CSMD2: variants seen among roughly 807,000 people sequenced by gnomAD.
CSMD2 encodes CUB and Sushi multiple domains 2.
A neutral mutation model predicts 398.5 loss-of-function variants in CSMD2; 130 were observed. The ratio of observed to expected loss-of-function variants is 0.33; its 90% CI spans 0.28 to 0.38. CSMD2 has a LOEUF of 0.38. CSMD2 is among the 10% of genes least tolerant of loss of function. The pLI, the probability that CSMD2 is intolerant of heterozygous loss-of-function variation, is 1.00. For synonymous variants in CSMD2, 1,828 were observed against 1,908.5 expected (o/e 0.96, Z 1.10); for missense variants, 3,829 against 4,764.9 (o/e 0.80, Z 5.78).
chr1:33,567,628 T>A lies in CSMD2; in HGVS notation c.8345A>T (p.Asp2782Val), dbSNP rs991625372. 1.2e-6 allele frequency: 2 copies of A among 1,614,068 alleles called. No individual in the cohort carries two copies. Among genetic ancestry groups the A allele is most frequent in the African/African-American group, 2.7e-5 (2 of 74,920 alleles). The change falls in exon 53 of 71, where the codon GAT becomes GTT. Residue 2782 changes from aspartate to valine, a missense_variant. Physicochemically the swap from Asp to Val is radical, Grantham distance 152. Around this residue, in one of 5 missense-constraint regions of CSMD2, gnomAD observed 917 missense variants for 1,199.5 expected, o/e 0.76. Coordinates refer to ENST00000373381, the MANE Select transcript of CSMD2 (RefSeq NM_001281956.2). ...IGMSVRICQQDHHWSGKTPFC... is the reference protein window; with the variant it reads ...IGMSVRICQQVHHWSGKTPFC... ...AGGGGTCTTGCCCGACCAGTGATGATCCTGCTGGCAGATGCGCACAGACAT... is the reference window on the plus strand; with the variant it reads ...AGGGGTCTTGCCCGACCAGTGATGAACCTGCTGGCAGATGCGCACAGACAT...
At chr1:33,759,314 CT>C (rs1208743357) in intron 13 of CSMD2, among the ~76,000 whole-genome samples, 7 of 107,734 alleles carry the variant, frequency 6.5e-5, no homozygotes, top group East Asian at 5.1e-4. Context: ...AGTTTCTTTT[CT>C]TTTTTTTTCT....
At chr1:33,862,560 CA>C (rs2125117953) in intron 5 of CSMD2, 1 of 152,246 alleles carries the variant, frequency 6.6e-6, no homozygotes, top group Admixed American at 6.5e-5. Context: ...GAGAAAGAGC[CA>C]GGGGGAAAAA....
chr1:34,096,606 A>G (rs1450542331), intron 1 of CSMD2, among the ~76,000 whole-genome samples: 4 of 132,644 alleles, frequency 3.0e-5, no homozygotes, highest in African/African-American at 1.2e-4. Flanking sequence ...AAGCATTCCT[A>G]TACACCAACA....
At chr1:33,685,551 T>C (rs886690919) in intron 25 of CSMD2, among the ~76,000 whole-genome samples, 1 of 152,218 alleles carries the variant, frequency 6.6e-6, no homozygotes, top group African/African-American at 2.4e-5. Flanking sequence ...TCAGAGTTCT[T>C]GTCTTGGCCT....
intron 10 of CSMD2, 59 bp downstream of exon 10, chr1:33,810,684 C>T (rs1656761428): frequency 1.3e-6 from 2 of 1,554,374 alleles, no homozygotes; most frequent in African/African-American, 1.4e-5. Context: ...CCTTGTAGGC[C>T]AACTGTCCCC....
chr1:33,971,126 G>A (rs1570672587), intron 3 of CSMD2, among the ~76,000 whole-genome samples: 1 of 152,308 alleles, frequency 6.6e-6, no homozygotes, highest in Non-Finnish European at 1.5e-5. Context: ...CTGGTGGGAA[G>A]TCACTAGCAG....
intron 29 of CSMD2, among the ~76,000 whole-genome samples, chr1:33,642,596 C>T (rs1643176475): frequency 6.6e-6 from 1 of 152,150 alleles, no homozygotes; most frequent in African/African-American, 2.4e-5. Flanking sequence ...GGAGTTTATG[C>T]TTTCTGCCCT....
intron 15 of CSMD2, among the ~76,000 whole-genome samples, chr1:33,728,892 G>A (rs544205041): frequency 3.2e-4 from 49 of 152,298 alleles, no homozygotes; most frequent in African/African-American, 1.2e-3. Context: ...AGTAAATTGT[G>A]TATGTGTATT....
intron 2 of CSMD2, among the ~76,000 whole-genome samples, chr1:34,071,533 A>G (rs1393851839): frequency 3.3e-5 from 5 of 152,262 alleles, no homozygotes; most frequent in South Asian, 2.1e-4. Flanking sequence ...TCCCAGGGAA[A>G]GATAGAAAGA....
Position 33,557,716 on chromosome 1 carries a change from CA to C in CSMD2, c.8743+17del. 1 of 1,532,922 alleles carries C rather than the reference CA, an allele frequency of 6.5e-7. No homozygotes were observed. Among genetic ancestry groups the C allele is most frequent in the Non-Finnish European group, 8.7e-7 (1 of 1,145,062 alleles). 95.0% of individuals were successfully genotyped at this position (1,532,922 alleles called of 1,614,324 possible). On this transcript the variant is annotated intron_variant, in intron 55 of 70. Transcript: ENST00000373381. ...GGGCCACCCCATCAGTCATTTTGAG[CA>C]GGTGACATCTACTTACAGAGACACT...
chr1:33,798,499 C>T (rs570209805), intron 10 of CSMD2, among the ~76,000 whole-genome samples: 9 of 151,966 alleles, frequency 5.9e-5, no homozygotes, highest in Non-Finnish European at 1.2e-4. Flanking sequence ...CTGGGCCTGG[C>T]GGGATGGAGA....
chr1:33,853,510 A>G (rs989210123), intron 5 of CSMD2, among the ~76,000 whole-genome samples: 5 of 152,378 alleles, frequency 3.3e-5, no homozygotes, highest in Middle Eastern at 3.4e-3. Flanking sequence ...ATATTTCATC[A>G]GTTTATGTGA....
Position 34,010,265 on chromosome 1 carries a change from G to C in CSMD2, c.517+22329C>G, listed in dbSNP as rs189793313. On this transcript the variant is annotated intron_variant, in intron 3 of 70. Transcript: ENST00000373381. ...TTCTTCATCCTTCCCTTAGTTCACT[G>C]ACCCTCTTCCTGTAAGACTCAGCCA... 3.3e-5 allele frequency among the ~76,000 whole-genome samples: 5 copies of C among 152,182 alleles called. No individual in the cohort carries two copies. In the East Asian group the frequency reaches 9.7e-4, roughly 29 times the overall value.
At chr1:33,922,391 C>T (rs1233670917) in intron 4 of CSMD2, among the ~76,000 whole-genome samples, 1 of 152,114 alleles carries the variant, frequency 6.6e-6, no homozygotes, top group Non-Finnish European at 1.5e-5. Flanking sequence ...CAGGAGCAGG[C>T]ACAGCCACTC....
At chr1:33,700,486 C>T (rs1001306369) in intron 23 of CSMD2, 31 bp downstream of exon 23, 1 of 1,610,434 alleles carries the variant, frequency 6.2e-7, no homozygotes, top group Non-Finnish European at 8.5e-7. Flanking sequence ...ACCCTGACTT[C>T]CTTGTCCACA....
At chr1:33,761,835 T>C (rs1649851988) in intron 13 of CSMD2, among the ~76,000 whole-genome samples, 1 of 152,182 alleles carries the variant, frequency 6.6e-6, no homozygotes, top group Non-Finnish European at 1.5e-5. Context: ...GGAAACACGA[T>C]AATCCAAGGG....
In CSMD2 at chr1:33,698,828, G is replaced by T; in HGVS notation, c.3850C>A (p.Leu1284Met). ...VSFSCDPGYS[L>M]RGSEELLCLS... ...CACAGCAGCTCCTCACTACCCCGCA[G>T]GCTGTATCCAGGGTCACAGCTGAAG... Residue 1284 changes from leucine to methionine, a missense_variant, in exon 24 of 71, where the codon CTG becomes ATG. Physicochemically the swap from Leu to Met is conservative, Grantham distance 15 (BLOSUM62 2). This residue lies in a region of CSMD2 where 2,001 missense variants were observed against 2,567.1 expected (regional missense o/e 0.78). Transcript: ENST00000373381. 6.2e-7 allele frequency: 1 copy of T among 1,614,206 alleles called. No homozygotes were observed. Among genetic ancestry groups the T allele is most frequent in the Non-Finnish European group, 8.5e-7 (1 of 1,180,038 alleles).
intron 3 of CSMD2, among the ~76,000 whole-genome samples, chr1:34,004,214 A>G (rs1200601037): frequency 6.6e-6 from 1 of 152,216 alleles, no homozygotes; most frequent in Non-Finnish European, 1.5e-5. Flanking sequence ...TAAAAGAGAA[A>G]AAACAGGACT....
rs753962666 is a variant in CSMD2, at chr1:33,820,565, C to CAAAAAAAAA, written c.1112-18_1112-10dup. The CAAAAAAAAA allele has an allele frequency of 1.7e-4, 74 of 444,370 alleles. 3 individuals are homozygous for CAAAAAAAAA. Among genetic ancestry groups the CAAAAAAAAA allele is most frequent in the South Asian group, 5.9e-4 (19 of 32,312 alleles). 27.5% of individuals were successfully genotyped at this position (444,370 alleles called of 1,614,324 possible). A position where few individuals can be genotyped will look rare whatever the true frequency, so the allele number is the denominator to read the frequency against. On this transcript the variant is annotated splice_polypyrimidine_tract_variant and intron_variant, in intron 7 of 70. Transcript: ENST00000373381. Reference sequence around the variant, plus strand: ...CACACCAACCTGAGTTACTACAAGGCAAAAAAAAAAAAAAAAAAAAAAACA... The same window carrying CAAAAAAAAA: ...CACACCAACCTGAGTTACTACAAGGCAAAAAAAAAAAAAAAAAAAAAAAAAAAAAAAACA...
Sources: gnomAD v4.1 joint callset for allele counts (sites outside exome capture counted in the v4.1 genomes callset) on GRCh38, gnomAD v4.1.1 for gene constraint, gnomAD v4.1.1 regional missense constraint, MANE v1.5 for transcripts, NCBI Gene and HGNC (gene_info 2026-07-23, HGNC 2026-07-21) for gene names.